Variants in ZMYND11 observed in about 807,000 individuals in gnomAD.
ZMYND11 encodes zinc finger MYND-type containing 11.
A neutral mutation model predicts 84.9 loss-of-function variants in ZMYND11; 9 were observed. The observed-to-expected ratio is 0.11, with a 90% CI of 0.06 to 0.18. ZMYND11 has a LOEUF of 0.18. Ranked by LOEUF, ZMYND11 falls within the 10% of genes least tolerant of loss-of-function variation. The pLI, the probability that ZMYND11 is intolerant of heterozygous loss-of-function variation, is 1.00. For synonymous variants in ZMYND11, 250 were observed against 244.1 expected (o/e 1.02, Z -0.23); for missense variants, 409 against 761.0 (o/e 0.54, Z 5.44).
At chr10:170,431 C>CGTGTGTGTGT (rs147441773) in intron 1 of ZMYND11, among the ~76,000 whole-genome samples, 9 of 147,712 alleles carry the variant, frequency 6.1e-5, no homozygotes, top group African/African-American at 1.5e-4. Flanking sequence ...ATTATGTGTG[C>CGTGTGTGTGT]GTGTGTGTGT....
chr10:246,033 A>G lies in ZMYND11; in HGVS notation c.951-733A>G, dbSNP rs181987208. 3.0e-3 allele frequency among the ~76,000 whole-genome samples: 458 copies of G among 152,318 alleles called. No homozygotes were observed. The Middle Eastern group carries it at 0.031, about 10-fold the overall frequency. Reference sequence around the variant, plus strand: ...TACACAGTAAACATCTGTTGAACACAACATTTGGGATGGATACAAATTTAA... The same window carrying G: ...TACACAGTAAACATCTGTTGAACACGACATTTGGGATGGATACAAATTTAA... On this transcript the variant is annotated intron_variant, in intron 10 of 14. Coordinates refer to ENST00000381604, the MANE Select transcript of ZMYND11 (RefSeq NM_001370100.5).
intron 1 of ZMYND11, among the ~76,000 whole-genome samples, chr10:172,134 A>C (rs964739799): frequency 6.6e-6 from 1 of 152,192 alleles, no homozygotes; most frequent in South Asian, 2.1e-4. Flanking sequence ...TCATGAGGGC[A>C]GAGCCCCCAT....
intron 2 of ZMYND11, among the ~76,000 whole-genome samples, chr10:186,606 A>T (rs1938538153): frequency 7.4e-6 from 1 of 135,934 alleles, no homozygotes; most frequent in Non-Finnish European, 1.6e-5. Context: ...AGATCGGGCC[A>T]CTGCACTCAG....
At chr10:222,227 A>AT (rs1273363231) in intron 4 of ZMYND11, among the ~76,000 whole-genome samples, 1 of 152,180 alleles carries the variant, frequency 6.6e-6, no homozygotes, top group African/African-American at 2.4e-5. Flanking sequence ...ACATTTTTTC[A>AT]TAACTTTTTC....
intron 1 of ZMYND11, among the ~76,000 whole-genome samples, chr10:161,357 T>G (rs1842913093): frequency 6.7e-6 from 1 of 150,104 alleles, no homozygotes; most frequent in South Asian, 2.1e-4. Context: ...GTAGGCTTTG[T>G]TGCTCCATCT....
intron 1 of ZMYND11, among the ~76,000 whole-genome samples, chr10:174,278 G>C (rs1220653095): frequency 1.3e-5 from 2 of 152,202 alleles, no homozygotes; most frequent in Non-Finnish European, 2.9e-5. Flanking sequence ...ATATTACTAA[G>C]TGAAGGAGGC....
intron 4 of ZMYND11, among the ~76,000 whole-genome samples, chr10:224,783 T>C (rs1406502701): frequency 2.0e-5 from 3 of 152,286 alleles, no homozygotes; most frequent in Middle Eastern, 3.4e-3. Context: ...CTGTAACTTA[T>C]GTGACCAGTT....
intron 2 of ZMYND11, among the ~76,000 whole-genome samples, chr10:204,748 A>G (rs1943834730): frequency 6.6e-6 from 1 of 152,126 alleles, no homozygotes; most frequent in Admixed American, 6.5e-5. Flanking sequence ...CGTGTTATCA[A>G]AATCTTCATG....
At chr10:210,197 G>A (rs371037443) in intron 3 of ZMYND11, 149 bp downstream of exon 3, 1 of 818,454 alleles carries the variant, frequency 1.2e-6, no homozygotes, top group Admixed American at 2.9e-5. Context: ...TGGTAGTATG[G>A]ATACTTTCCT....
chr10:195,089 C>T (rs1051322022), intron 2 of ZMYND11, among the ~76,000 whole-genome samples: 1 of 152,178 alleles, frequency 6.6e-6, no homozygotes, highest in East Asian at 1.9e-4. Context: ...TAGTTAGACT[C>T]ACAAACTGAC....
intron 2 of ZMYND11, among the ~76,000 whole-genome samples, chr10:206,989 T>TC (rs1240966481): frequency 9.9e-5 from 15 of 151,886 alleles, no homozygotes; most frequent in African/African-American, 3.6e-4. Flanking sequence ...GCCTCCCCAC[T>TC]CCCCCGACCC....
intron 3 of ZMYND11, among the ~76,000 whole-genome samples, chr10:213,106 G>A (rs1945542204): frequency 6.6e-6 from 1 of 152,204 alleles, no homozygotes; most frequent in East Asian, 1.9e-4. Context: ...TTAATGTATG[G>A]CCAGTGCGTG....
intron 2 of ZMYND11, among the ~76,000 whole-genome samples, chr10:190,909 A>G (rs1400423850): frequency 1.3e-5 from 2 of 151,940 alleles, no homozygotes; most frequent in Non-Finnish European, 2.9e-5. Flanking sequence ...TAGATATATA[A>G]TTTGATTTCA....
intron 3 of ZMYND11, among the ~76,000 whole-genome samples, chr10:212,689 G>T (rs1230294665): frequency 6.6e-6 from 1 of 151,666 alleles, no homozygotes; most frequent in Non-Finnish European, 1.5e-5. Flanking sequence ...TCTACATAAA[G>T]TGTATAACCA....
At chr10:234,649 G>C (rs1248638135) in intron 4 of ZMYND11, among the ~76,000 whole-genome samples, 1 of 152,178 alleles carries the variant, frequency 6.6e-6, no homozygotes, top group African/African-American at 2.4e-5. Context: ...CCCAGAGTTT[G>C]AGTTGGCATG....
chr10:233,685 A>C (rs549397951), intron 4 of ZMYND11, among the ~76,000 whole-genome samples: 14 of 152,338 alleles, frequency 9.2e-5, no homozygotes, highest in Non-Finnish European at 1.8e-4. Context: ...CCAGGCCCAG[A>C]TGACCACTTT....
At chr10:137,246 G>T (rs1836323470) in intron 1 of ZMYND11, among the ~76,000 whole-genome samples, 1 of 152,052 alleles carries the variant, frequency 6.6e-6, no homozygotes, top group South Asian at 2.1e-4. Flanking sequence ...TATACAGTGT[G>T]TACATGGTAT....
chr10:230,237 G>A (rs941811025), intron 4 of ZMYND11, among the ~76,000 whole-genome samples: 18 of 152,214 alleles, frequency 1.2e-4, no homozygotes, highest in Middle Eastern at 3.4e-3. Flanking sequence ...CACTGTGGGA[G>A]GCCGAGGCGG....
chr10:177,585 T>C (rs1199848735), intron 1 of ZMYND11, among the ~76,000 whole-genome samples: 1 of 152,210 alleles, frequency 6.6e-6, no homozygotes, highest in Non-Finnish European at 1.5e-5. Flanking sequence ...GGTTATGTTA[T>C]ATAAATAGTT....
Sources: allele counts gnomAD v4.1 joint callset (sites outside exome capture counted in the v4.1 genomes callset), GRCh38; gene constraint gnomAD v4.1.1; transcripts MANE v1.5; gene names NCBI Gene and HGNC (gene_info 2026-07-23, HGNC 2026-07-21).